PIEZO1: variants seen among roughly 807,000 people sequenced by gnomAD.
The protein encoded by PIEZO1 is piezo type mechanosensitive ion channel component 1 (Er blood group), also known as piezo-type mechanosensitive ion channel component 1.
Under a neutral mutation model 297.2 loss-of-function variants are expected in PIEZO1, and 296 were observed. The observed-to-expected ratio is 1.00, with a 90% CI of 0.91 to 1.10. The LOEUF is 1.10. PIEZO1 is among the 50% of genes least tolerant of loss of function. PIEZO1 has a pLI of 0.00. For missense variants in PIEZO1, 5,018 were observed against 3,455.5 expected (o/e 1.45, Z -11.34); for synonymous variants, 2,427 against 1,507.5 (o/e 1.61, Z -14.13).
intron 30 of PIEZO1, among the ~76,000 whole-genome samples, chr16:88,724,697 A>G (rs964848145): frequency 2.6e-5 from 4 of 152,158 alleles, no homozygotes; most frequent in Non-Finnish European, 5.9e-5. Flanking sequence ...TCCATCTCAA[A>G]AAGAAACAAA....
intron 1 of PIEZO1, among the ~76,000 whole-genome samples, chr16:88,779,814 C>G (rs1414529288): frequency 6.6e-6 from 1 of 152,186 alleles, no homozygotes; most frequent in East Asian, 1.9e-4. Context: ...CCCGACGGAC[C>G]CCCGGCCACC....
chr16:88,759,431 T>C (rs1476165903), intron 1 of PIEZO1, among the ~76,000 whole-genome samples: 2 of 152,030 alleles, frequency 1.3e-5, no homozygotes, highest in African/African-American at 2.4e-5. Flanking sequence ...CCAGCTGCCC[T>C]CCCCCTGGCC....
chr16:88,731,468 A>G (rs767471971), intron 22 of PIEZO1: 24 of 554,188 alleles, frequency 4.3e-5, no homozygotes, highest in Non-Finnish European at 6.1e-5. Context: ...ATTTCAAGAT[A>G]GAATACTGGG....
chr16:88,725,696 C>T lies in PIEZO1; in HGVS notation c.3969-12G>A, dbSNP rs200317312. On this transcript the variant is annotated splice_polypyrimidine_tract_variant and intron_variant, in intron 27 of 50. Transcript: ENST00000301015. The stretch of plus-strand genomic sequence containing the variant: ...AGAGGGCGAAGCCCCTGTAGGGAGG[C>T]GGGGATGGGGTGTGAGCACCAGGCA... 3,581 of 1,430,230 alleles carry T rather than the reference C, an allele frequency of 2.5e-3. 15 individuals are homozygous for T. Among genetic ancestry groups the T allele is most frequent in the Admixed American group, 4.2e-3 (212 of 50,780 alleles). The allele number at this position is 1,430,230 out of a possible 1,614,324, so 88.6% of individuals were successfully genotyped here.
rs937654855 is a variant in PIEZO1, at chr16:88,722,044, C to T, written c.4978G>A (p.Glu1660Lys). ...LDRRLRIPELEEAELFAEGQG... is the reference protein window; with the variant it reads ...LDRRLRIPELKEAELFAEGQG... ...CCCTCCGCAAACAGCTCTGCCTCCT[C>T]CAGCTCTGGGATGCGCAGGCGCCTA... The change falls in exon 37 of 51, where the codon GAG (glutamate) becomes AAG (lysine). Residue 1660 changes from glutamate to lysine, a missense_variant. Physicochemically the swap from Glu to Lys is moderately conservative, Grantham distance 56 (BLOSUM62 1). Coordinates refer to ENST00000301015, the MANE Select transcript of PIEZO1 (RefSeq NM_001142864.4). 4 of 1,547,446 alleles carry T rather than the reference C, an allele frequency of 2.6e-6. No individual in the cohort carries two copies. Among genetic ancestry groups the T allele is most frequent in the South Asian group, 2.4e-5 (2 of 83,900 alleles).
intron 5 of PIEZO1, 31 bp from the exon 6 acceptor site, chr16:88,738,767 G>A (rs1371174229): frequency 1.2e-5 from 18 of 1,515,104 alleles, no homozygotes; most frequent in Middle Eastern, 1.7e-4. Context: ...GGCAAGGTCA[G>A]GTGTATCGCA....
At chr16:88,771,795 A>G (rs1382965130) in intron 1 of PIEZO1, among the ~76,000 whole-genome samples, 1 of 83,114 alleles carries the variant, frequency 1.2e-5, no homozygotes, top group Admixed American at 1.2e-4. Context: ...CTGAGACTCT[A>G]TGCCCGTCCA....
chr16:88,723,835 G>C (rs1278333886), intron 31 of PIEZO1, 36 bp downstream of exon 31: 1 of 1,096,346 alleles, frequency 9.1e-7, no homozygotes, highest in African/African-American at 1.6e-5. Flanking sequence ...CAAGCTCTGT[G>C]GTTGGAGTGG....
Position 88,741,595 on chromosome 16 carries a change from G to A in PIEZO1, c.348C>T (p.Pro116=), listed in dbSNP as rs940043707. 48 of 1,535,422 alleles carry A rather than the reference G, an allele frequency of 3.1e-5. No individual in the cohort carries two copies. The highest frequency in any genetic ancestry group is 3.9e-5 in the Admixed American group (2 of 50,892). The part of the protein sequence containing the change: ...GVTRLDLKDI[P]NAIRLVAPDL... ...CAGGGGCCACCAGCCGGATGGCGTTGGGGATGTCCTTCAGGTCCAGCCTGC... is the reference window on the plus strand; with the variant it reads ...CAGGGGCCACCAGCCGGATGGCGTTAGGGATGTCCTTCAGGTCCAGCCTGC... Residue 116 remains proline, a synonymous_variant, in exon 5 of 51, where the codon CCC becomes CCT. Transcript: ENST00000301015.
In PIEZO1 at chr16:88,738,648, G is replaced by C. The variant is rs747271044; in HGVS notation, c.554C>G (p.Ala185Gly). 6 of 1,535,708 alleles carry C rather than the reference G, an allele frequency of 3.9e-6. No individual in the cohort carries two copies. Among genetic ancestry groups the C allele is most frequent in the Non-Finnish European group, 5.2e-6 (6 of 1,146,746 alleles). ...GTGGGCCGTGACTCGGAAACGAGCG[G>C]CCAGCCGTGACCTCCGTGTAGGGGC... ...TLAPTRRSRL[A>G]ARFRVTAHWL... Residue 185 changes from alanine to glycine, a missense_variant, in exon 6 of 51, where the codon GCC (alanine) becomes GGC (glycine). Transcript: ENST00000301015.
chr16:88,769,749 T>C (rs900707786), intron 1 of PIEZO1, among the ~76,000 whole-genome samples: 9 of 145,710 alleles, frequency 6.2e-5, no homozygotes, highest in African/African-American at 2.3e-4. Context: ...AAACACAACA[T>C]GTAGCTCTGG....
Position 88,735,202 on chromosome 16 carries a change from C to G in PIEZO1, c.1602G>C (p.Val534=). ...LTFWLLLRQF[V]KEKLLKWAES... ...CTGCCCACTTCAGCAGCTTCTCTTT[C>G]ACAAACTGGCGCAGCAGGAGCCAGA... Residue 534 remains valine (V), a synonymous_variant, in exon 13 of 51, where the codon GTG becomes GTC. Transcript: ENST00000301015. 2 of 1,550,454 alleles carry G rather than the reference C, an allele frequency of 1.3e-6. No homozygotes were observed. Among genetic ancestry groups the G allele is most frequent in the Non-Finnish European group, 1.7e-6 (2 of 1,146,952 alleles).
intron 1 of PIEZO1, among the ~76,000 whole-genome samples, chr16:88,751,737 A>T (rs556893561): frequency 1.2e-3 from 177 of 151,154 alleles, no homozygotes; most frequent in African/African-American, 4.1e-3. Flanking sequence ...TTCACAGCAA[A>T]GGCTTCTGAA....
At chr16:88,748,781 T>A (rs1003459366) in intron 2 of PIEZO1, among the ~76,000 whole-genome samples, 1 of 151,770 alleles carries the variant, frequency 6.6e-6, no homozygotes, top group Non-Finnish European at 1.5e-5. Flanking sequence ...ATAAGAAACT[T>A]TGATGGCTGG....
At chr16:88,743,591 GT>G (rs1567679938) in intron 2 of PIEZO1, 2 of 456,694 alleles carry the variant, frequency 4.4e-6, no homozygotes, top group African/African-American at 2.0e-5. Flanking sequence ...ACTCTGTTCA[GT>G]TTTTTGAGCA....
rs1191735725 is a variant in PIEZO1 at position 88,721,655 on chromosome 16, G to A, written c.5286C>T (p.Arg1762=). The change falls in exon 38 of 51, where the codon CGC becomes CGT. Residue 1762 remains arginine (R), a synonymous_variant. Transcript: ENST00000301015. Reference sequence around the variant, plus strand: ...GCGGGAAGTAGGGCTTGTTCTCGTAGCGCCGCAGCACCACGTGGCTGTTCC... The same window carrying A: ...GCGGGAAGTAGGGCTTGTTCTCGTAACGCCGCAGCACCACGTGGCTGTTCC... ...FPWNSHVVLR[R]YENKPYFPPR... is the part of the protein sequence containing the mutation. The A allele has an allele frequency of 1.3e-6, 2 of 1,550,008 alleles. No individual in the cohort carries two copies. The highest frequency in any genetic ancestry group is 1.4e-5 in the African/African-American group (1 of 73,040).
At chr16:88,741,320 C>T in intron 5 of PIEZO1, 158 bp downstream of exon 5, 2 of 655,386 alleles carry the variant, frequency 3.1e-6, no homozygotes, top group East Asian at 2.9e-5. Flanking sequence ...GCAGGCTGGG[C>T]CCCGGGGTGG....
At chr16:88,770,918 G>A (rs1371279372) in intron 1 of PIEZO1, among the ~76,000 whole-genome samples, 3 of 152,238 alleles carry the variant, frequency 2.0e-5, no homozygotes, top group African/African-American at 4.8e-5. Context: ...GGAATCCGGT[G>A]GGCGGCACTG....
intron 2 of PIEZO1, among the ~76,000 whole-genome samples, chr16:88,747,145 C>G (rs577116948): frequency 1.3e-5 from 2 of 151,892 alleles, no homozygotes; most frequent in South Asian, 4.1e-4. Flanking sequence ...GCAGGAGGAT[C>G]GCTTGAGCCC....
Sources: gnomAD v4.1 joint callset for allele counts (sites outside exome capture counted in the v4.1 genomes callset) on GRCh38, gnomAD v4.1.1 for gene constraint, MANE v1.5 for transcripts, NCBI Gene and HGNC (gene_info 2026-07-23, HGNC 2026-07-21) for gene names.